ANKRD18A: variants seen among roughly 807,000 people sequenced by gnomAD.
The protein encoded by ANKRD18A is ankyrin repeat domain 18A, also known as ankyrin repeat domain-containing protein 18A.
ANKRD18A carries 72 observed loss-of-function variants against 110.6 expected under a neutral mutation model. The observed-to-expected ratio is 0.65, with a 90% confidence interval of 0.54 to 0.79. The LOEUF is 0.79. ANKRD18A is among the 30% of genes least tolerant of loss of function. ANKRD18A has a pLI of 0.00. For synonymous variants in ANKRD18A, 305 were observed against 410.3 expected (o/e 0.74, Z 3.10); for missense variants, 934 against 1,163.3 (o/e 0.80, Z 2.87).
intron 13 of ANKRD18A, 129 bp downstream of exon 13, chr9:38,577,738 A>T: frequency 2.8e-6 from 3 of 1,081,040 alleles, no homozygotes; most frequent in South Asian, 2.1e-5. Flanking sequence ...CTTTTTTTCT[A>T]GAACTCTACG....
downstream of ANKRD18A, chr9:38,566,520 T>C (rs1481452454): frequency 1.3e-5 from 2 of 152,242 alleles, no homozygotes; most frequent in African/African-American, 4.8e-5. Flanking sequence ...CCTTCTCATC[T>C]GTCTTCTTTT....
At chr9:38,604,699 A>C (rs1165798224) in intron 6 of ANKRD18A, among the ~76,000 whole-genome samples, 2 of 151,772 alleles carry the variant, frequency 1.3e-5, no homozygotes, top group African/African-American at 4.9e-5. Flanking sequence ...GTAAAACAAC[A>C]ACAAAGTCTT....
chr9:38,576,502 C>A (rs1172931730), intron 14 of ANKRD18A, among the ~76,000 whole-genome samples: 3 of 152,124 alleles, frequency 2.0e-5, no homozygotes, highest in Admixed American at 6.5e-5. Flanking sequence ...ATAATTATTC[C>A]CTCTTTCACA....
intron 14 of ANKRD18A, among the ~76,000 whole-genome samples, chr9:38,576,120 T>A (rs1468330503): frequency 6.6e-6 from 1 of 152,236 alleles, no homozygotes; most frequent in African/African-American, 2.4e-5. Flanking sequence ...TAAATAATTA[T>A]ATGAAAACAT....
intron 8 of ANKRD18A, among the ~76,000 whole-genome samples, chr9:38,598,095 T>G (rs550187006): frequency 5.1e-4 from 78 of 152,306 alleles, no homozygotes; most frequent in African/African-American, 1.9e-3. Flanking sequence ...TTGTTGCAAC[T>G]CTCAAGGTCA....
At chr9:38,575,895 T>C (rs1370786492) in intron 14 of ANKRD18A, among the ~76,000 whole-genome samples, 197 bp from the exon 15 acceptor site, 1 of 152,182 alleles carries the variant, frequency 6.6e-6, no homozygotes, top group Non-Finnish European at 1.5e-5. Flanking sequence ...GTATATGTGT[T>C]TCTAAGGTGA....
intron 3 of ANKRD18A, among the ~76,000 whole-genome samples, chr9:38,613,888 G>A (rs1226456442): frequency 1.3e-5 from 2 of 152,156 alleles, no homozygotes; most frequent in East Asian, 1.9e-4. Context: ...AATTGTGAAA[G>A]GGTCAGTCTC....
chr9:38,597,161 G>A (rs561697180), intron 8 of ANKRD18A, among the ~76,000 whole-genome samples: 36 of 152,290 alleles, frequency 2.4e-4, no homozygotes, highest in Non-Finnish European at 4.0e-4. Flanking sequence ...TTCTGCCTTT[G>A]TCACCTGGAT....
downstream of ANKRD18A, chr9:38,569,240 T>A: frequency 2.0e-6 from 2 of 979,062 alleles, no homozygotes; most frequent in Non-Finnish European, 2.4e-6. Context: ...AGATGCAGAA[T>A]GGAATTGCTG....
chr9:38,613,523 C>T (rs752821173), intron 3 of ANKRD18A, among the ~76,000 whole-genome samples: 5 of 151,938 alleles, frequency 3.3e-5, no homozygotes, highest in Non-Finnish European at 5.9e-5. Flanking sequence ...GCTGTTAACA[C>T]TCATAATACC....
downstream of ANKRD18A, among the ~76,000 whole-genome samples, chr9:38,569,708 C>G (rs906904172): frequency 6.6e-6 from 1 of 152,148 alleles, no homozygotes. Flanking sequence ...CTGGCCAGGC[C>G]TAGCTGCTCC....
At chr9:38,587,225 T>A (rs1587500485) in intron 11 of ANKRD18A, among the ~76,000 whole-genome samples, 2 of 152,294 alleles carry the variant, frequency 1.3e-5, no homozygotes, top group Admixed American at 6.5e-5. Flanking sequence ...GATCTAGAGA[T>A]CTTTACTGAC....
rs1436320600 is a variant in ANKRD18A, at chr9:38,603,151, T to C, written c.862+8A>G. ...CATGGTTAGGAGTAGAGAACTCAAGTGTCTTACCTTTTGCACGTTCTTTTC... is the reference window on the plus strand; with the variant it reads ...CATGGTTAGGAGTAGAGAACTCAAGCGTCTTACCTTTTGCACGTTCTTTTC... On this transcript the variant is annotated splice_region_variant and intron_variant, in intron 7 of 15. Transcript: ENST00000399703. 1 of 1,550,698 alleles carries C rather than the reference T, an allele frequency of 6.4e-7. No homozygotes were observed. Among genetic ancestry groups the C allele is most frequent in the East Asian group, 2.4e-5 (1 of 40,884 alleles).
At chr9:38,619,747 A>C (rs1238320398) in intron 1 of ANKRD18A, among the ~76,000 whole-genome samples, 4 of 152,220 alleles carry the variant, frequency 2.6e-5, no homozygotes, top group Non-Finnish European at 5.9e-5. Flanking sequence ...TAAAACCGAC[A>C]CAGGGTTTTA....
At position 38,616,051 on chromosome 9, in the gene ANKRD18A, G is replaced by A; in HGVS notation, c.207-7C>T. The A allele has an allele frequency of 6.5e-7, 1 of 1,542,070 alleles. No individual in the cohort carries two copies. The highest frequency in any genetic ancestry group is 8.7e-7 in the Non-Finnish European group (1 of 1,144,430). ...GGCCAAATGTAGAACAGTCCTAGGAGAGCGAGAGGGGTTTTCAGGAAATGT... is the reference window on the plus strand; with the variant it reads ...GGCCAAATGTAGAACAGTCCTAGGAAAGCGAGAGGGGTTTTCAGGAAATGT... On this transcript the variant is annotated splice_polypyrimidine_tract_variant and splice_region_variant and intron_variant, in intron 1 of 15. Coordinates refer to ENST00000399703, the MANE Select transcript of ANKRD18A (RefSeq NM_147195.4).
chr9:38,588,526 A>G (rs1173078339), intron 11 of ANKRD18A, 25 bp downstream of exon 11: 146 of 1,254,376 alleles, frequency 1.2e-4, no homozygotes, highest in Non-Finnish European at 1.5e-4. Context: ...AATGGTTAAA[A>G]TGTTCTACAA....
intron 6 of ANKRD18A, among the ~76,000 whole-genome samples, chr9:38,606,988 T>A (rs1312003267): frequency 2.0e-5 from 3 of 152,024 alleles, no homozygotes; most frequent in Non-Finnish European, 2.9e-5. Context: ...AAATTAAATT[T>A]AAAAAATTAA....
intron 6 of ANKRD18A, among the ~76,000 whole-genome samples, chr9:38,607,202 G>A (rs1410954308): frequency 3.3e-5 from 5 of 152,128 alleles, no homozygotes; most frequent in East Asian, 1.9e-4. Flanking sequence ...GATTACAGGC[G>A]CCCGCCATGA....
downstream of ANKRD18A, chr9:38,571,008 A>G (rs1823618992): frequency 2.5e-6 from 3 of 1,177,700 alleles, 1 homozygote; most frequent in East Asian, 8.9e-5. Flanking sequence ...CCCGACCTAG[A>G]GACACAGCAC....
Sources: gnomAD v4.1 joint callset for allele counts (sites outside exome capture counted in the v4.1 genomes callset) on GRCh38, gnomAD v4.1.1 for gene constraint, MANE v1.5 for transcripts, NCBI Gene and HGNC (gene_info 2026-07-23, HGNC 2026-07-21) for gene names.